The following PTPRU variants were observed in gnomAD, a reference collection of about 807,000 sequenced individuals.
PTPRU encodes the protein receptor-type tyrosine-protein phosphatase U.
In PTPRU, 69 loss-of-function variants were observed where a neutral mutation model predicts 166.3. The observed-to-expected ratio is 0.41, with a 90% CI of 0.34 to 0.51. PTPRU has a LOEUF of 0.51. Ranked by LOEUF, PTPRU falls within the 20% of genes least tolerant of loss-of-function variation. The probability of loss-of-function intolerance (pLI) is 0.09; values close to 1 mark genes in which losing one functional copy is unlikely to be tolerated. For synonymous variants in PTPRU, 793 were observed against 814.0 expected (o/e 0.97, Z 0.44); for missense variants, 1,657 against 2,013.7 (o/e 0.82, Z 3.39).
At chr1:29,304,368 AC>A (rs1422350310) in intron 16 of PTPRU, among the ~76,000 whole-genome samples, 1 of 152,050 alleles carries the variant, frequency 6.6e-6, no homozygotes, top group African/African-American at 2.4e-5. Context: ...TCCCAGCCTG[AC>A]ATTGATCCTG....
chr1:29,239,753 C>T (rs548246670), intron 1 of PTPRU, among the ~76,000 whole-genome samples: 7 of 152,224 alleles, frequency 4.6e-5, no homozygotes, highest in African/African-American at 1.7e-4. Flanking sequence ...TCTGCCCTCT[C>T]AGAGACTCTT....
At chr1:29,284,549 G>A (rs533715293) in intron 13 of PTPRU, among the ~76,000 whole-genome samples, 182 bp from the exon 14 acceptor site, 6 of 152,312 alleles carry the variant, frequency 3.9e-5, no homozygotes, top group African/African-American at 9.6e-5. Context: ...GGACTGTGGC[G>A]TGGAAGTGCA....
intron 12 of PTPRU, among the ~76,000 whole-genome samples, chr1:29,283,398 C>T (rs528476449): frequency 6.6e-6 from 1 of 151,922 alleles, no homozygotes; most frequent in South Asian, 2.1e-4. Context: ...AGCACTACCC[C>T]CTTCCTGAGC....
At chr1:29,265,962 G>A (rs375526366) in intron 7 of PTPRU, among the ~76,000 whole-genome samples, 423 of 144,898 alleles carry the variant, frequency 2.9e-3, no homozygotes, top group Non-Finnish European at 4.9e-3. Context: ...TTGGTATCAA[G>A]TCTAAGAACT....
rs767516151 is a variant in PTPRU at position 29,310,791 on chromosome 1, C to T, written c.2857+11C>T. Reference sequence around the variant, plus strand: ...TCATAGCCACTCAAGGTACCTGGCACTTCTGCCCACATGCGCCTTCCCATG... The same window carrying T: ...TCATAGCCACTCAAGGTACCTGGCATTTCTGCCCACATGCGCCTTCCCATG... On this transcript the variant is annotated intron_variant, in intron 19 of 29. Transcript: ENST00000373779. The T allele has an allele frequency of 6.2e-7, 1 of 1,613,272 alleles. No homozygotes were observed. Among genetic ancestry groups the T allele is most frequent in the South Asian group, 1.1e-5 (1 of 91,078 alleles).
At chr1:29,312,748 C>T (rs759767408) in intron 22 of PTPRU, 42 bp downstream of exon 22, 17 of 1,571,040 alleles carry the variant, frequency 1.1e-5, no homozygotes, top group Non-Finnish European at 1.4e-5. Context: ...GGGCCCTTCT[C>T]CCTGGGAATT....
rs376299815 is a variant in PTPRU at position 29,279,651 on chromosome 1, A to T, written c.1759A>T (p.Ile587Phe). ...QAALTEITTNISAPSFDYADM... is the reference protein window; with the variant it reads ...QAALTEITTNFSAPSFDYADM... ...GGCACTCACTGAGATAACCACTAAC[A>T]TCTCTGGTGAGCCCCACCTGACCCG... Residue 587 changes from isoleucine (I) to phenylalanine (F), a missense_variant, in exon 10 of 30, where the codon ATC becomes TTC. Ile to Phe is a conservative substitution (Grantham distance 21, BLOSUM62 0). Transcript: ENST00000373779. The surrounding 1 kb of genome is among the most constrained non-coding windows in gnomAD (Gnocchi z 5.2). The T allele has an allele frequency of 1.2e-6, 2 of 1,610,860 alleles. No individual in the cohort carries two copies. Among genetic ancestry groups the T allele is most frequent in the Non-Finnish European group, 1.7e-6 (2 of 1,179,872 alleles).
Position 29,311,666 on chromosome 1 carries a change from G to A in PTPRU, c.2979G>A (p.Pro993=), listed in dbSNP as rs372277693. The change falls in exon 21 of 30, where the codon CCG becomes CCA. Residue 993 remains proline (P), a synonymous_variant. Coordinates refer to ENST00000373779, the MANE Select transcript of PTPRU (RefSeq NM_133178.4). The surrounding 1 kb of genome is among the most constrained non-coding windows in gnomAD (Gnocchi z 4.1). ...AGGTGAAATGCTCACGGTACTGGCC[G>A]GAGGACTCAGACACCTACGGGGACA... is the stretch of plus-strand genomic sequence containing the variant. ...VGRVKCSRYW[P]EDSDTYGDIK... is the part of the protein sequence containing the mutation. 7 of 1,614,096 alleles carry A rather than the reference G, an allele frequency of 4.3e-6. No homozygotes were observed. Among genetic ancestry groups the A allele is most frequent in the African/African-American group, 2.7e-5 (2 of 74,944 alleles).
chr1:29,284,724 T>A lies in PTPRU; in HGVS notation c.2180-7T>A, dbSNP rs1686261732. On this transcript the variant is annotated splice_polypyrimidine_tract_variant and splice_region_variant and intron_variant, in intron 13 of 29. Coordinates refer to ENST00000373779, the MANE Select transcript of PTPRU (RefSeq NM_133178.4). ...TCTGATCCCTTGTTCTGCTTTGTTC[T>A]CCCCAGCTGCCTGCAAGGAAAGCAA... 5 of 1,614,012 alleles carry A rather than the reference T, an allele frequency of 3.1e-6. No individual in the cohort carries two copies. The East Asian group carries it at 1.1e-4, about 36-fold the overall frequency.
chr1:29,276,907 G>A (rs867890042), intron 8 of PTPRU, among the ~76,000 whole-genome samples: 1 of 152,120 alleles, frequency 6.6e-6, no homozygotes, highest in Non-Finnish European at 1.5e-5. Context: ...TCTAATATAC[G>A]TGTTTAAAGC....
chr1:29,241,807 C>T (rs1232865981), intron 1 of PTPRU, among the ~76,000 whole-genome samples: 1 of 149,954 alleles, frequency 6.7e-6, no homozygotes, highest in Non-Finnish European at 1.5e-5. Flanking sequence ...GTTGGTCAGG[C>T]TGGTCTTGAA....
At chr1:29,286,090 A>T (rs1639877880) in intron 14 of PTPRU, among the ~76,000 whole-genome samples, 1 of 152,128 alleles carries the variant, frequency 6.6e-6, no homozygotes, top group Non-Finnish European at 1.5e-5. Flanking sequence ...TGAGAGAGAG[A>T]GCTGGCTGGG....
chr1:29,300,434 C>T (rs1687087098), intron 15 of PTPRU, among the ~76,000 whole-genome samples: 2 of 152,202 alleles, frequency 1.3e-5, no homozygotes, highest in Non-Finnish European at 2.9e-5. Flanking sequence ...ATTTCACAGA[C>T]TCCTTTAAAA....
chr1:29,261,828 T>C (rs1685081092), intron 7 of PTPRU, among the ~76,000 whole-genome samples: 1 of 152,164 alleles, frequency 6.6e-6, no homozygotes, highest in South Asian at 2.1e-4. Context: ...CCACCGTGCC[T>C]GGCTTAGTGT....
Position 29,304,119 on chromosome 1 carries a change from C to T in PTPRU, c.2667+74C>T. ...GCTCTTACTCTCTGTGGACTCTGAC[C>T]CTGGCAACCCTCAGCCTAGTCCTGG... On this transcript the variant is annotated intron_variant, in intron 16 of 29. Transcript: ENST00000373779. 7 of 1,502,906 alleles carry T rather than the reference C, an allele frequency of 4.7e-6. No individual in the cohort carries two copies. The South Asian group carries it at 9.0e-5, about 19-fold the overall frequency. 93.1% of individuals were successfully genotyped at this position (1,502,906 alleles called of 1,614,324 possible). A position where few individuals can be genotyped will look rare whatever the true frequency, so the allele number is the denominator to read the frequency against.
rs1684821875 is a variant in PTPRU, at chr1:29,257,443, G to A, written c.206-1062G>A. Among the ~76,000 whole-genome samples the A allele has an allele frequency of 1.3e-5, 2 of 152,292 alleles. No individual in the cohort carries two copies. The highest frequency in any genetic ancestry group is 2.1e-4 in the South Asian group (1 of 4,826). ...GGATCTGAGTGAGCTTGTGTTGGCT[G>A]GCAGCCAAGCCCGGGAGGAGGCAGC... is the stretch of plus-strand genomic sequence containing the variant. On this transcript the variant is annotated intron_variant, in intron 2 of 29. Transcript: ENST00000373779. This position sits in a 1 kb window ranked among gnomAD's most constrained non-coding sequence, Gnocchi z 4.6.
intron 1 of PTPRU, among the ~76,000 whole-genome samples, chr1:29,240,186 C>G (rs915707983): frequency 5.3e-4 from 81 of 152,148 alleles, no homozygotes; most frequent in African/African-American, 1.9e-3. Flanking sequence ...ATCATCCAGT[C>G]CCTGAAGCCT....
rs777985162 is a variant in PTPRU, at chr1:29,291,935, C to T, written c.2385C>T (p.Ala795=). Residue 795 remains alanine, a synonymous_variant, in exon 15 of 30, where the codon GCC becomes GCT. Transcript: ENST00000373779. This position sits in a 1 kb window ranked among gnomAD's most constrained non-coding sequence, Gnocchi z 4.1. The part of the protein sequence containing the change: ...YRQEKTHMMS[A]VDRSFTDQST... ...AGGAGAAGACACACATGATGAGCGCCGTGGACCGCAGCTTCACAGACCAGA... is the reference window on the plus strand; with the variant it reads ...AGGAGAAGACACACATGATGAGCGCTGTGGACCGCAGCTTCACAGACCAGA... 6 of 1,614,070 alleles carry T rather than the reference C, an allele frequency of 3.7e-6. No individual in the cohort carries two copies. The highest frequency in any genetic ancestry group is 2.2e-5 in the East Asian group (1 of 44,870).
At chr1:29,292,112 G>C (rs1686670216) in intron 15 of PTPRU, 86 bp downstream of exon 15, 1 of 1,487,668 alleles carries the variant, frequency 6.7e-7, no homozygotes, top group South Asian at 1.3e-5. Flanking sequence ...GGTGAGTTCT[G>C]TAACACCTGC....
Sources: allele counts gnomAD v4.1 joint callset (sites outside exome capture counted in the v4.1 genomes callset), GRCh38; gene constraint gnomAD v4.1.1; non-coding constraint Gnocchi (gnomAD v3.1); transcripts MANE v1.5; gene names NCBI Gene and HGNC (gene_info 2026-07-23, HGNC 2026-07-21).